The following RPS6KC1 variants were observed in gnomAD, a reference collection of about 807,000 sequenced individuals.
RPS6KC1 encodes ribosomal protein S6 kinase C1.
A neutral mutation model predicts 103.8 loss-of-function variants in RPS6KC1; 54 were observed. The observed-to-expected ratio is 0.52, with a 90% CI of 0.42 to 0.65. RPS6KC1 has a LOEUF of 0.65. RPS6KC1 is among the 30% of genes least tolerant of loss of function. RPS6KC1 has a pLI of 0.00. For synonymous variants in RPS6KC1, 439 were observed against 438.7 expected, an observed-to-expected ratio of 1.00 and a Z score of -0.01; for missense variants, 1,151 against 1,253.8, an observed-to-expected ratio of 0.92 and a Z score of 1.24.
the RPS6KC1 span, among the ~76,000 whole-genome samples, chr1:213,596,927 G>A: frequency 2.0e-5 from 3 of 152,204 alleles, no homozygotes; most frequent in African/African-American, 7.2e-5. Flanking sequence ...GTGAGCCAGG[G>A]TGGCCATGTG....
At chr1:213,099,719 T>G (rs1466101059) in intron 3 of RPS6KC1, among the ~76,000 whole-genome samples, 1 of 152,156 alleles carries the variant, frequency 6.6e-6, no homozygotes, top group Non-Finnish European at 1.5e-5. Context: ...GTTTTGTACA[T>G]CCTGGATTTT....
the RPS6KC1 span, among the ~76,000 whole-genome samples, chr1:213,361,177 A>G: frequency 6.6e-6 from 1 of 152,222 alleles, no homozygotes; most frequent in Non-Finnish European, 1.5e-5. Flanking sequence ...AGAGGTAGGC[A>G]GGCCTCCTTG....
chr1:213,632,598 G>T, the RPS6KC1 span, among the ~76,000 whole-genome samples: 1 of 152,240 alleles, frequency 6.6e-6, no homozygotes, highest in Non-Finnish European at 1.5e-5. Context: ...AGAATCTAGA[G>T]CAGAAAAGCT....
At chr1:213,696,502 C>CAAAAAA in the RPS6KC1 span, among the ~76,000 whole-genome samples, 42 of 120,930 alleles carry the variant, frequency 3.5e-4, no homozygotes, top group African/African-American at 1.6e-3. Context: ...AACTCCGTCT[C>CAAAAAA]AAAAAAAAAA....
In RPS6KC1 at chr1:213,051,310, G is replaced by A. The variant is rs986269432; in HGVS notation, c.-95G>A. The A allele has an allele frequency of 6.7e-6, 6 of 898,368 alleles. No homozygotes were observed. The highest frequency in any genetic ancestry group is 6.5e-5 in the Admixed American group (3 of 46,370). 55.6% of individuals were successfully genotyped at this position (898,368 alleles called of 1,614,324 possible). A position where few individuals can be genotyped will look rare whatever the true frequency, so the allele number is the denominator to read the frequency against. On this transcript the variant is annotated 5_prime_UTR_variant, in exon 1 of 15. Coordinates refer to ENST00000366960, the MANE Select transcript of RPS6KC1 (RefSeq NM_012424.6). Reference sequence around the variant, plus strand: ...GCCTTGGAGCCACCGCCCCCTCGCCGCTTCGCCGCTGCGTTGGGGAACCTG... The same window carrying A: ...GCCTTGGAGCCACCGCCCCCTCGCCACTTCGCCGCTGCGTTGGGGAACCTG...
the RPS6KC1 span, among the ~76,000 whole-genome samples, chr1:213,543,951 G>A: frequency 1.3e-5 from 2 of 152,142 alleles, no homozygotes; most frequent in Non-Finnish European, 2.9e-5. Context: ...GAAGGGCTAA[G>A]TAACCCATTT....
At chr1:213,463,770 A>G in the RPS6KC1 span, among the ~76,000 whole-genome samples, 1 of 152,130 alleles carries the variant, frequency 6.6e-6, no homozygotes, top group Non-Finnish European at 1.5e-5. Context: ...CTTGAATTCA[A>G]TCACTCTGGC....
At chr1:213,105,224 T>C (rs2082366104) in intron 4 of RPS6KC1, among the ~76,000 whole-genome samples, 1 of 151,656 alleles carries the variant, frequency 6.6e-6, no homozygotes, top group African/African-American at 2.4e-5. Flanking sequence ...AAGTTTTTTT[T>C]TTTTTTTTTA....
chr1:213,831,279 G>A, the RPS6KC1 span, among the ~76,000 whole-genome samples: 138 of 152,270 alleles, frequency 9.1e-4, 1 homozygote, highest in African/African-American at 3.2e-3. Context: ...TGAGATGGGG[G>A]GATTATCAAG....
chr1:213,465,705 G>A, the RPS6KC1 span, among the ~76,000 whole-genome samples: 5 of 152,112 alleles, frequency 3.3e-5, no homozygotes, highest in Non-Finnish European at 5.9e-5. Context: ...TAAACTCTGT[G>A]TTAGGAAACC....
chr1:213,443,826 G>C, the RPS6KC1 span, among the ~76,000 whole-genome samples: 1 of 152,142 alleles, frequency 6.6e-6, no homozygotes, highest in Non-Finnish European at 1.5e-5. Context: ...GCTGAGGTGG[G>C]AGGATCACCT....
chr1:213,857,882 C>T, the RPS6KC1 span, among the ~76,000 whole-genome samples: 3 of 152,208 alleles, frequency 2.0e-5, no homozygotes, highest in African/African-American at 7.2e-5. Flanking sequence ...AGGGACAGGC[C>T]ATCAGTCTCC....
the RPS6KC1 span, among the ~76,000 whole-genome samples, chr1:213,812,579 A>G: frequency 1.8e-4 from 27 of 152,178 alleles, no homozygotes; most frequent in African/African-American, 6.5e-4. Flanking sequence ...AGCCCTTTTA[A>G]AGACAGTTCA....
the RPS6KC1 span, among the ~76,000 whole-genome samples, chr1:213,641,412 G>T: frequency 6.6e-6 from 1 of 152,002 alleles, no homozygotes; most frequent in Non-Finnish European, 1.5e-5. Flanking sequence ...TTTTGTTTTA[G>T]TGGGTAAATT....
chr1:213,457,283 G>A, the RPS6KC1 span, among the ~76,000 whole-genome samples: 6 of 152,260 alleles, frequency 3.9e-5, no homozygotes, highest in East Asian at 7.7e-4. Context: ...CGCCATCCTC[G>A]GCAACCCAGG....
the RPS6KC1 span, among the ~76,000 whole-genome samples, chr1:213,547,931 C>T: frequency 1.3e-5 from 2 of 152,298 alleles, no homozygotes; most frequent in East Asian, 1.9e-4. Context: ...CAGACTAAGA[C>T]AGCACTCTAG....
the RPS6KC1 span, among the ~76,000 whole-genome samples, chr1:213,708,820 TG>T: frequency 6.6e-6 from 1 of 152,234 alleles, no homozygotes. Flanking sequence ...ATGTGGTTTT[TG>T]TCATTGGTTC....
chr1:213,857,648 C>T, the RPS6KC1 span, among the ~76,000 whole-genome samples: 4 of 152,182 alleles, frequency 2.6e-5, no homozygotes, highest in African/African-American at 9.7e-5. Context: ...ATTTCTCTGT[C>T]TTGACACTGT....
the RPS6KC1 span, among the ~76,000 whole-genome samples, chr1:213,625,708 C>T: frequency 6.6e-6 from 1 of 152,146 alleles, no homozygotes; most frequent in African/African-American, 2.4e-5. Flanking sequence ...CGATAGTTTG[C>T]TGAGAATGAT....
Sources: gnomAD v4.1 joint callset for allele counts (sites outside exome capture counted in the v4.1 genomes callset) on GRCh38, gnomAD v4.1.1 for gene constraint, MANE v1.5 for transcripts, NCBI Gene and HGNC (gene_info 2026-07-23, HGNC 2026-07-21) for gene names.